The following PARD3 variants were observed in gnomAD, a reference collection of about 807,000 sequenced individuals.
PARD3 encodes the protein par-3 family cell polarity regulator.
In PARD3, 75 loss-of-function variants were observed where a neutral mutation model predicts 155.4. The ratio of observed to expected loss-of-function variants is 0.48; its 90% confidence interval spans 0.40 to 0.58. The LOEUF (loss-of-function observed/expected upper bound fraction) is 0.58. Ranked by LOEUF, PARD3 falls within the 20% of genes least tolerant of loss-of-function variation. The pLI is 0.00. For missense variants in PARD3, 1,642 were observed against 1,721.7 expected (o/e 0.95, Z 0.82); for synonymous variants, 576 against 610.5 (o/e 0.94, Z 0.83).
At chr10:34,506,203 C>T (rs1468827017) in intron 3 of PARD3, among the ~76,000 whole-genome samples, 1 of 152,040 alleles carries the variant, frequency 6.6e-6, no homozygotes, top group Non-Finnish European at 1.5e-5. Context: ...TTGGGCCCCA[C>T]CAAAGTCAGG....
chr10:34,762,089 G>GA (rs760758443), intron 1 of PARD3, among the ~76,000 whole-genome samples: 69 of 152,160 alleles, frequency 4.5e-4, no homozygotes, highest in Non-Finnish European at 6.8e-4. Context: ...CTTTAAAAAA[G>GA]AAAATCACAT....
At chr10:34,786,362 C>A (rs779888027) in intron 1 of PARD3, among the ~76,000 whole-genome samples, 9 of 152,128 alleles carry the variant, frequency 5.9e-5, no homozygotes, top group Non-Finnish European at 7.3e-5. Flanking sequence ...TAACTATTGA[C>A]TAAAAGTGGT....
chr10:34,591,633 G>C (rs1234541322), intron 2 of PARD3, among the ~76,000 whole-genome samples: 2 of 152,176 alleles, frequency 1.3e-5, no homozygotes, highest in South Asian at 4.1e-4. Flanking sequence ...CCAAGATAAA[G>C]AGGAGCCCAC....
chr10:34,287,092 G>T (rs1181451623), intron 20 of PARD3, among the ~76,000 whole-genome samples: 1 of 152,042 alleles, frequency 6.6e-6, no homozygotes, highest in East Asian at 1.9e-4. Context: ...AAATTCAAGG[G>T]ACAGCATAAG....
chr10:34,187,858 A>G (rs2133241221), intron 22 of PARD3, among the ~76,000 whole-genome samples: 1 of 152,346 alleles, frequency 6.6e-6, no homozygotes. Context: ...TTAAACCAAC[A>G]TAGTCAATCT....
At chr10:34,305,333 C>G (rs1188038726) in intron 20 of PARD3, among the ~76,000 whole-genome samples, 1 of 152,182 alleles carries the variant, frequency 6.6e-6, no homozygotes, top group African/African-American at 2.4e-5. Context: ...GAAAGGGAAA[C>G]CCCAGAGCGC....
chr10:34,786,925 A>C (rs1361775227), intron 1 of PARD3, among the ~76,000 whole-genome samples: 1 of 152,150 alleles, frequency 6.6e-6, no homozygotes, highest in East Asian at 1.9e-4. Context: ...GTAGATAGAC[A>C]GTTGCAATGC....
intron 20 of PARD3, among the ~76,000 whole-genome samples, chr10:34,295,095 AT>A (rs1188268056): frequency 1.2e-4 from 18 of 152,254 alleles, no homozygotes; most frequent in African/African-American, 3.1e-4. Context: ...ACCAAAAAAA[AT>A]GTCAATGGCT....
chr10:34,558,698 A>T (rs1175112340), intron 2 of PARD3, among the ~76,000 whole-genome samples: 1 of 152,194 alleles, frequency 6.6e-6, no homozygotes, highest in African/African-American at 2.4e-5. Context: ...TGGGAGGCTG[A>T]GGTGGGCAGA....
At chr10:34,204,825 C>T (rs1460631448) in intron 22 of PARD3, among the ~76,000 whole-genome samples, 1 of 152,120 alleles carries the variant, frequency 6.6e-6, no homozygotes, top group Non-Finnish European at 1.5e-5. Context: ...AAATGTGTGA[C>T]TTCATAAGTA....
Position 34,650,973 on chromosome 10 carries a change from T to C in PARD3, c.222+45345A>G, listed in dbSNP as rs1445891093. On this transcript the variant is annotated intron_variant, in intron 2 of 24. Coordinates refer to ENST00000374788, the MANE Select transcript of PARD3 (RefSeq NM_001184785.2). ...TTGTGGTGAGCCGAGATTGTGCCAT[T>C]GCACTCCAGACTGGGCAACAAGAAC... 2.4e-5 allele frequency among the ~76,000 whole-genome samples: 3 copies of C among 127,548 alleles called. No individual in the cohort carries two copies. The East Asian group carries it at 7.2e-4, about 30-fold the overall frequency. The allele number at this position is 127,548 out of a possible 152,430, so 83.7% of individuals were successfully genotyped here.
chr10:34,562,107 C>T (rs1489655682), intron 2 of PARD3, among the ~76,000 whole-genome samples: 8 of 104,824 alleles, frequency 7.6e-5, no homozygotes, highest in East Asian at 6.2e-4. Context: ...GCCTGGGTGA[C>T]GGAGCCTGAC....
At chr10:34,330,560 T>C (rs910215383) in intron 19 of PARD3, among the ~76,000 whole-genome samples, 2 of 152,168 alleles carry the variant, frequency 1.3e-5, no homozygotes, top group Admixed American at 1.3e-4. Context: ...GGAGACATCC[T>C]ATTTGAGACA....
At chr10:34,503,273 G>A (rs528532190) in intron 3 of PARD3, among the ~76,000 whole-genome samples, 2 of 152,016 alleles carry the variant, frequency 1.3e-5, no homozygotes, top group South Asian at 2.1e-4. Flanking sequence ...CGAATGAGTC[G>A]GCCATGGCTC....
At chr10:34,798,042 G>T (rs1249178765) in intron 1 of PARD3, among the ~76,000 whole-genome samples, 1 of 152,094 alleles carries the variant, frequency 6.6e-6, no homozygotes, top group Non-Finnish European at 1.5e-5. Context: ...TATACAGACT[G>T]GATATGGTAG....
At chr10:34,473,232 T>C (rs548649214) in intron 3 of PARD3, among the ~76,000 whole-genome samples, 1 of 152,314 alleles carries the variant, frequency 6.6e-6, no homozygotes, top group Admixed American at 6.5e-5. Context: ...ATAAAATAAA[T>C]TAAAATAAAT....
At chr10:34,361,452 T>C (rs1297629576) in intron 12 of PARD3, among the ~76,000 whole-genome samples, 2 of 152,144 alleles carry the variant, frequency 1.3e-5, no homozygotes, top group Non-Finnish European at 2.9e-5. Context: ...GAATGTTCAA[T>C]AACACAAAAA....
chr10:34,779,284 T>A (rs1172750785), intron 1 of PARD3, among the ~76,000 whole-genome samples: 1 of 135,770 alleles, frequency 7.4e-6, no homozygotes, highest in Non-Finnish European at 1.6e-5. Flanking sequence ...CCAGCCTGGG[T>A]GAAAGAGCTA....
At chr10:34,576,225 C>T (rs1345202339) in intron 2 of PARD3, among the ~76,000 whole-genome samples, 1 of 152,206 alleles carries the variant, frequency 6.6e-6, no homozygotes, top group East Asian at 1.9e-4. Flanking sequence ...CACTTAGATG[C>T]TGTGGAGGAC....
Sources: gnomAD v4.1 joint callset for allele counts (sites outside exome capture counted in the v4.1 genomes callset) on GRCh38, gnomAD v4.1.1 for gene constraint, MANE v1.5 for transcripts, NCBI Gene and HGNC (gene_info 2026-07-23, HGNC 2026-07-21) for gene names.